BCHE: variants seen among roughly 807,000 people sequenced by gnomAD.
BCHE encodes the protein cholinesterase.
A neutral mutation model predicts 51.3 loss-of-function variants in BCHE; 48 were observed. That is an observed-to-expected ratio of 0.94 (90% confidence interval 0.74 to 1.19). The LOEUF (loss-of-function observed/expected upper bound fraction) is 1.19. Among genes scored for constraint, BCHE ranks in the 50% most tolerant of loss-of-function variants. BCHE has a pLI of 0.00. For missense variants in BCHE, 847 were observed against 708.2 expected (o/e 1.20, Z -2.23); for synonymous variants, 251 against 238.0 (o/e 1.05, Z -0.50).
Position 165,829,530 on chromosome 3 carries a change from A to G in BCHE, c.1504T>C (p.Phe502Leu), listed in dbSNP as rs769316835. 41 of 1,613,492 alleles carry G rather than the reference A, an allele frequency of 2.5e-5. No individual in the cohort carries two copies. In the East Asian group the frequency reaches 8.7e-4, roughly 34 times the overall value. The change falls in exon 2 of 4, where the codon TTT (phenylalanine) becomes CTT (leucine). Residue 502 changes from phenylalanine to leucine, a missense_variant. Coordinates refer to ENST00000264381, the MANE Select transcript of BCHE (RefSeq NM_000055.4). The part of the protein sequence containing the change: ...SRSIVKRWAN[F>L]AKYGNPNETQ... ...ATCAGCACTTACCCATATTTTGCAA[A>G]ATTTGCCCACCGTTTCACTATGGAT...
intron 2 of BCHE, among the ~76,000 whole-genome samples, chr3:165,792,142 T>G (rs1020284263): frequency 6.6e-6 from 1 of 152,094 alleles, no homozygotes; most frequent in Non-Finnish European, 1.5e-5. Context: ...TGCATTTTTT[T>G]ATTGGAATGA....
chr3:165,828,045 G>C (rs1273756590), intron 2 of BCHE: 2 of 456,092 alleles, frequency 4.4e-6, no homozygotes, highest in African/African-American at 2.0e-5. Flanking sequence ...CAAGAACGTA[G>C]TTTAGTATGG....
At chr3:165,787,125 T>G (rs1218062968) in intron 2 of BCHE, among the ~76,000 whole-genome samples, 1 of 151,832 alleles carries the variant, frequency 6.6e-6, no homozygotes, top group Non-Finnish European at 1.5e-5. Context: ...ATTATCTTTT[T>G]ATGATATTTC....
At chr3:165,786,064 C>T in intron 3 of BCHE, 81 bp downstream of exon 3, 5 of 1,432,526 alleles carry the variant, frequency 3.5e-6, no homozygotes, top group South Asian at 2.3e-5. Context: ...ACTCCATCAC[C>T]GTGCCTTGGA....
chr3:165,811,297 G>A (rs996855370), intron 2 of BCHE, among the ~76,000 whole-genome samples: 4 of 152,060 alleles, frequency 2.6e-5, no homozygotes, highest in Non-Finnish European at 5.9e-5. Flanking sequence ...GCAGGTGCAT[G>A]TTTAAGGCTT....
At chr3:165,788,950 T>C (rs747573603) in intron 2 of BCHE, among the ~76,000 whole-genome samples, 25 of 152,104 alleles carry the variant, frequency 1.6e-4, no homozygotes, top group Non-Finnish European at 3.2e-4. Flanking sequence ...ACTTACAAAA[T>C]AACAAGAGAG....
intron 2 of BCHE, among the ~76,000 whole-genome samples, chr3:165,800,140 T>C (rs912519098): frequency 1.3e-5 from 2 of 152,098 alleles, no homozygotes; most frequent in Non-Finnish European, 2.9e-5. Context: ...ACTTGAATAC[T>C]TTTTTTGAAT....
chr3:165,818,007 T>C (rs972301056), intron 2 of BCHE, among the ~76,000 whole-genome samples: 8 of 152,100 alleles, frequency 5.3e-5, no homozygotes, highest in South Asian at 2.1e-4. Flanking sequence ...TATTATTTAA[T>C]AACTTGTGAT....
At chr3:165,814,999 T>C (rs1033865060) in intron 2 of BCHE, among the ~76,000 whole-genome samples, 13 of 148,734 alleles carry the variant, frequency 8.7e-5, no homozygotes, top group African/African-American at 2.4e-4. Flanking sequence ...TATAATTAAA[T>C]ATTAGTATTA....
At chr3:165,828,258 A>C (rs1714806048) in intron 2 of BCHE, among the ~76,000 whole-genome samples, 1 of 152,142 alleles carries the variant, frequency 6.6e-6, no homozygotes, top group South Asian at 2.1e-4. Flanking sequence ...GGGCACATTG[A>C]GAGAAGAAAG....
chr3:165,796,998 G>A (rs1383486195), intron 2 of BCHE, among the ~76,000 whole-genome samples: 1 of 151,982 alleles, frequency 6.6e-6, no homozygotes, highest in Non-Finnish European at 1.5e-5. Context: ...ATAATTAGCT[G>A]GCAAGTTAAA....
At position 165,829,697 on chromosome 3, in the gene BCHE, AAAAAGG is replaced by A; in HGVS notation, c.1331_1336del (p.Ala444_Phe446delinsVal). 6.2e-7 allele frequency: 1 copy of A among 1,613,882 alleles called. No homozygotes were observed. Among genetic ancestry groups the A allele is most frequent in the Non-Finnish European group, 8.5e-7 (1 of 1,179,918 alleles). On this transcript the variant is annotated inframe_deletion, in exon 2 of 4. Transcript: ENST00000264381. ...GGAGGATCGGTGTTCAAAATAGTAGAAAAAGGCATTATTTCCCCATTCTGAGAACTT... is the reference window on the plus strand; with the variant it reads ...GGAGGATCGGTGTTCAAAATAGTAGACATTATTTCCCCATTCTGAGAACTT...
chr3:165,830,407 A>C lies in BCHE; in HGVS notation c.627T>G (p.Asn209Lys), dbSNP rs980974555. ...TAGGATTTCCACCAAAGGCTGCTAT[A>C]TTTTTTTGAACCCACTGAAGAGCCA... Reference protein sequence around the residue: ...QQLALQWVQKNIAAFGGNPKS... With the variant: ...QQLALQWVQKKIAAFGGNPKS... Residue 209 changes from asparagine to lysine, a missense_variant, in exon 2 of 4, where the codon AAT becomes AAG. By Grantham distance (94) the Asn-to-Lys change is moderately conservative. Transcript: ENST00000264381. The C allele has an allele frequency of 6.2e-7, 1 of 1,613,774 alleles. No individual in the cohort carries two copies. Among genetic ancestry groups the C allele is most frequent in the Non-Finnish European group, 8.5e-7 (1 of 1,179,906 alleles).
chr3:165,802,735 T>G (rs1713711789), intron 2 of BCHE, among the ~76,000 whole-genome samples: 1 of 152,042 alleles, frequency 6.6e-6, no homozygotes, highest in Non-Finnish European at 1.5e-5. Context: ...TTGTTTTGTT[T>G]TGTTTTTGTT....
At chr3:165,788,234 T>C (rs999760825) in intron 2 of BCHE, among the ~76,000 whole-genome samples, 3 of 152,052 alleles carry the variant, frequency 2.0e-5, no homozygotes, top group Non-Finnish European at 4.4e-5. Flanking sequence ...CAAGAACTTA[T>C]ATTGAATATG....
intron 1 of BCHE, among the ~76,000 whole-genome samples, chr3:165,832,842 C>G (rs1715040149): frequency 6.6e-6 from 1 of 152,034 alleles, no homozygotes; most frequent in African/African-American, 2.4e-5. Flanking sequence ...AATAACTATT[C>G]TAATGCCTAT....
intron 1 of BCHE, among the ~76,000 whole-genome samples, chr3:165,833,123 A>G (rs1715051170): frequency 6.6e-6 from 1 of 152,076 alleles, no homozygotes; most frequent in Non-Finnish European, 1.5e-5. Context: ...CAAGATTATT[A>G]TTTTTTCAGT....
At chr3:165,788,625 A>C (rs951503472) in intron 2 of BCHE, among the ~76,000 whole-genome samples, 1 of 152,036 alleles carries the variant, frequency 6.6e-6, no homozygotes, top group African/African-American at 2.4e-5. Context: ...TATGTTCCTA[A>C]ATTGTCCAGT....
chr3:165,780,343 G>C (rs1037313948), intron 3 of BCHE, among the ~76,000 whole-genome samples: 4 of 152,100 alleles, frequency 2.6e-5, no homozygotes, highest in African/African-American at 9.7e-5. Context: ...TCAGGAACAA[G>C]GCATGGACAA....
Sources: gnomAD v4.1 joint callset for allele counts (sites outside exome capture counted in the v4.1 genomes callset) on GRCh38, gnomAD v4.1.1 for gene constraint, MANE v1.5 for transcripts, NCBI Gene and HGNC (gene_info 2026-07-23, HGNC 2026-07-21) for gene names.